Variants in PAK3 observed in about 807,000 individuals in gnomAD.
PAK3 encodes the protein p21 (RAC1) activated kinase 3.
In PAK3, 4 loss-of-function variants were observed where a neutral mutation model predicts 41.0. That is an observed-to-expected ratio of 0.10 (90% confidence interval 0.05 to 0.22). The LOEUF (loss-of-function observed/expected upper bound fraction) is 0.22. PAK3 is among the 10% of genes least tolerant of loss of function. The probability of loss-of-function intolerance (pLI) is 1.00; values close to 1 mark genes in which losing one functional copy is unlikely to be tolerated. For synonymous variants in PAK3, 146 were observed against 139.6 expected (o/e 1.05, Z -0.32); for missense variants, 205 against 409.9 (o/e 0.50, Z 4.32).
At chrX:111,040,850 G>C (rs1040095988) in intron 1 of PAK3, among the ~76,000 whole-genome samples, 1 of 112,209 alleles carries the variant, frequency 8.9e-6, no homozygotes, top group South Asian at 3.7e-4. Context: ...TTTCCTGGGT[G>C]GGGGTAGTCG....
chrX:111,026,004 T>A (rs1322389391), intron 1 of PAK3, among the ~76,000 whole-genome samples: 1 of 111,589 alleles, frequency 9.0e-6, no homozygotes, highest in Non-Finnish European at 1.9e-5. Flanking sequence ...GTTTAATATA[T>A]TTAACTCAAT....
intron 1 of PAK3, among the ~76,000 whole-genome samples, chrX:111,036,970 A>G (rs896114365): frequency 9.0e-6 from 1 of 111,639 alleles, no homozygotes; most frequent in African/African-American, 3.3e-5. Flanking sequence ...TTTGAGCCAG[A>G]GTCTCGCTCT....
At chrX:111,025,454 G>A (rs967422891) in intron 1 of PAK3, among the ~76,000 whole-genome samples, 1 of 111,172 alleles carries the variant, frequency 9.0e-6, no homozygotes, top group Non-Finnish European at 1.9e-5. Context: ...AACAAAACGG[G>A]AGATATTACA....
chrX:111,150,629 C>T (rs1026311629), intron 7 of PAK3, among the ~76,000 whole-genome samples: 9 of 111,121 alleles, frequency 8.1e-5, no homozygotes, highest in African/African-American at 2.6e-4. Flanking sequence ...TCCACTATCA[C>T]GAGAATAGCA....
At chrX:111,005,266 G>C (rs1283876480) in intron 1 of PAK3, among the ~76,000 whole-genome samples, 1 of 111,306 alleles carries the variant, frequency 9.0e-6, no homozygotes, top group Non-Finnish European at 1.9e-5. Flanking sequence ...GAAGCATGCT[G>C]GTTCAATGCT....
At chrX:111,024,711 T>C (rs1228162796) in intron 1 of PAK3, among the ~76,000 whole-genome samples, 1 of 111,008 alleles carries the variant, frequency 9.0e-6, no homozygotes, top group East Asian at 2.8e-4. Flanking sequence ...GGGACTTTAA[T>C]ACTCCACTGA....
Position 111,018,846 on chromosome X carries a change from G to T in PAK3, c.-28+74218G>T, listed in dbSNP as rs112072654. On this transcript the variant is annotated intron_variant, in intron 1 of 14. Coordinates refer to the PAK3 transcript ENST00000425146. ...ACTTCTTAATTTCAAAACATACTAC[G>T]AAGCTTACAGTAATCAAAATATTGT... 2.7e-5 allele frequency among the ~76,000 whole-genome samples: 3 copies of T among 111,474 alleles called. No homozygotes were observed. The South Asian group carries it at 1.1e-3, about 42-fold the overall frequency.
At chrX:111,204,099 G>A (rs2094712897) in intron 16 of PAK3, among the ~76,000 whole-genome samples, 1 of 111,356 alleles carries the variant, frequency 9.0e-6, no homozygotes, top group East Asian at 2.8e-4. Context: ...AATATTGCCT[G>A]TCAAAAGATA....
At chrX:110,979,514 G>T (rs1017397395) in intron 1 of PAK3, among the ~76,000 whole-genome samples, 1 of 110,460 alleles carries the variant, frequency 9.1e-6, no homozygotes, top group Non-Finnish European at 1.9e-5. Context: ...AGCCAGGATG[G>T]TCTCGATCTC....
chrX:111,056,403 T>TA (rs1370657065), intron 1 of PAK3, among the ~76,000 whole-genome samples: 1 of 111,902 alleles, frequency 8.9e-6, no homozygotes, highest in Admixed American at 9.4e-5. Flanking sequence ...AATATTTGCT[T>TA]AAAAAATCCC....
intron 1 of PAK3, among the ~76,000 whole-genome samples, chrX:111,012,480 C>A (rs761910604): frequency 1.5e-4 from 17 of 111,867 alleles, no homozygotes; most frequent in Middle Eastern, 4.6e-3. Flanking sequence ...GCCACGATCA[C>A]CTTAGGCTCA....
chrX:111,164,915 C>T (rs1466022332), intron 10 of PAK3, among the ~76,000 whole-genome samples: 1 of 111,339 alleles, frequency 9.0e-6, no homozygotes, highest in African/African-American at 3.3e-5. Context: ...CAGTAATTCC[C>T]ACTATAGGCC....
intron 16 of PAK3, among the ~76,000 whole-genome samples, chrX:111,205,451 T>A (rs1029947962): frequency 6.3e-5 from 7 of 111,199 alleles, no homozygotes; most frequent in African/African-American, 2.3e-4. Context: ...TGAGTCTCTA[T>A]GAGTACTTTC....
At chrX:110,983,063 C>T (rs1408340753) in intron 1 of PAK3, among the ~76,000 whole-genome samples, 2 of 111,504 alleles carry the variant, frequency 1.8e-5, no homozygotes, top group Admixed American at 9.5e-5. Context: ...CACTGACTTT[C>T]CCTACAGAAG....
rs1414670315 is a variant in PAK3 at position 111,221,947 on chromosome X, A to G, written c.*1500A>G. ...AACAAAATTTGACTACTATTTCACCATATATCTATTTATTAAAAAATTCAA... is the reference window on the plus strand; with the variant it reads ...AACAAAATTTGACTACTATTTCACCGTATATCTATTTATTAAAAAATTCAA... On this transcript the variant is annotated 3_prime_UTR_variant, in exon 18 of 18. Transcript: ENST00000372007. 8.9e-6 allele frequency: 1 copy of G among 112,212 alleles called. No homozygotes were observed. The highest frequency in any genetic ancestry group is 1.9e-5 in the Non-Finnish European group (1 of 53,194). The allele number at this position is 112,212 out of a possible 1,213,427, so 9.2% of individuals were successfully genotyped here.
At chrX:111,214,389 T>TG (rs972898499) in intron 16 of PAK3, among the ~76,000 whole-genome samples, 2 of 111,709 alleles carry the variant, frequency 1.8e-5, no homozygotes, top group Non-Finnish European at 3.8e-5. Flanking sequence ...TTAATTTTTC[T>TG]GGGGGTGAGA....
At chrX:110,980,906 C>T (rs1023705161) in intron 1 of PAK3, among the ~76,000 whole-genome samples, 4 of 111,804 alleles carry the variant, frequency 3.6e-5, no homozygotes, top group African/African-American at 9.8e-5. Flanking sequence ...TAGGTCAGAT[C>T]GTTTCTTTGT....
chrX:111,167,337 C>T (rs1406531291), intron 10 of PAK3, among the ~76,000 whole-genome samples: 2 of 110,726 alleles, frequency 1.8e-5, no homozygotes, highest in Admixed American at 9.7e-5. Flanking sequence ...GAAAGATGGC[C>T]AATATCCCAT....
At chrX:111,190,941 G>A (rs2094555115) in intron 11 of PAK3, among the ~76,000 whole-genome samples, 1 of 111,980 alleles carries the variant, frequency 8.9e-6, no homozygotes, top group Non-Finnish European at 1.9e-5. Flanking sequence ...AGGTGTTGGT[G>A]GGAGGTGGTT....
Sources: allele counts gnomAD v4.1 joint callset (sites outside exome capture counted in the v4.1 genomes callset), GRCh38; gene constraint gnomAD v4.1.1; transcripts MANE v1.5; gene names NCBI Gene and HGNC (gene_info 2026-07-23, HGNC 2026-07-21).